The following CAMKMT variants were observed in gnomAD, a reference collection of about 807,000 sequenced individuals.
CAMKMT encodes the protein CaM KMT.
In CAMKMT, 53 loss-of-function variants were observed where a neutral mutation model predicts 48.0. The observed-to-expected ratio is 1.10, with a 90% confidence interval of 0.89 to 1.39. The LOEUF is 1.39. Ranked by LOEUF, CAMKMT falls within the 40% of genes most tolerant of loss-of-function variation. CAMKMT has a pLI of 0.00. For synonymous variants in CAMKMT, 165 were observed against 152.3 expected, an observed-to-expected ratio of 1.08 and a Z score of -0.61; for missense variants, 428 against 402.7, an observed-to-expected ratio of 1.06 and a Z score of -0.54.
chr2:44,766,350 T>C, intron 9 of CAMKMT, 80 bp from the exon 10 acceptor site: 1 of 1,528,830 alleles, frequency 6.5e-7, no homozygotes, highest in Non-Finnish European at 9.0e-7. Flanking sequence ...GAGCAGTACA[T>C]TAAATGCTTT....
intron 3 of CAMKMT, among the ~76,000 whole-genome samples, chr2:44,627,697 CTTTTTTTTTTTTT>C (rs1174344846): frequency 0.25 from 18,985 of 75,100 alleles, 2,025 homozygotes; most frequent in Middle Eastern, 0.38. Context: ...CCATTTTATC[CTTTTTTTTTTTTT>C]TTTTTTTTTT....
At chr2:44,389,327 C>T (rs1023905871) in intron 2 of CAMKMT, among the ~76,000 whole-genome samples, 2 of 152,206 alleles carry the variant, frequency 1.3e-5, no homozygotes, top group Non-Finnish European at 2.9e-5. Flanking sequence ...AGTCACCTTT[C>T]GAGGTACCAG....
rs921565833 is a variant in CAMKMT at position 44,675,978 on chromosome 2, A to G, written c.377-28305A>G. Among the ~76,000 whole-genome samples the G allele has an allele frequency of 5.3e-5, 8 of 152,336 alleles. No homozygotes were observed. The East Asian group carries it at 1.3e-3, about 26-fold the overall frequency. ...CTTAGCATGATGTCCCCCAAGGTTC[A>G]TCCATGTTGTAACATGTGCCAGAAT... On this transcript the variant is annotated intron_variant, in intron 3 of 10. Transcript: ENST00000378494.
At chr2:44,593,982 C>T (rs778955078) in intron 3 of CAMKMT, among the ~76,000 whole-genome samples, 7 of 151,906 alleles carry the variant, frequency 4.6e-5, no homozygotes, top group Non-Finnish European at 5.9e-5. Flanking sequence ...AGGCTGGTCT[C>T]GAACTCCCCA....
At chr2:44,631,573 T>C (rs1040631507) in intron 3 of CAMKMT, 17 of 563,342 alleles carry the variant, frequency 3.0e-5, no homozygotes, top group Non-Finnish European at 4.0e-5. Context: ...CAAAGTGTGA[T>C]TAGTAGCATG....
intron 3 of CAMKMT, among the ~76,000 whole-genome samples, chr2:44,573,587 G>A (rs1332828631): frequency 6.6e-6 from 1 of 151,878 alleles, no homozygotes; most frequent in Non-Finnish European, 1.5e-5. Flanking sequence ...TTTTCATTTT[G>A]TAGTTTCCTT....
chr2:44,428,581 C>T (rs540660002), intron 3 of CAMKMT, among the ~76,000 whole-genome samples: 175 of 152,338 alleles, frequency 1.1e-3, no homozygotes, highest in Admixed American at 2.4e-3. Flanking sequence ...TCAGTATTTC[C>T]CTGCCTCCTG....
intron 3 of CAMKMT, among the ~76,000 whole-genome samples, chr2:44,415,674 A>G (rs1683503072): frequency 6.6e-6 from 1 of 152,190 alleles, no homozygotes. Flanking sequence ...TAGAGAAGGA[A>G]TTATACGTTT....
chr2:44,501,479 T>G (rs1408159294), intron 3 of CAMKMT, among the ~76,000 whole-genome samples: 1 of 152,176 alleles, frequency 6.6e-6, no homozygotes, highest in Non-Finnish European at 1.5e-5. Context: ...GAGCTGTAAT[T>G]TGGAACAGGA....
At chr2:44,431,186 A>T (rs987073848) in intron 3 of CAMKMT, among the ~76,000 whole-genome samples, 1 of 152,164 alleles carries the variant, frequency 6.6e-6, no homozygotes, top group African/African-American at 2.4e-5. Flanking sequence ...TTTCTACCTG[A>T]AGATATTATA....
intron 5 of CAMKMT, 94 bp downstream of exon 5, chr2:44,706,435 C>G: frequency 8.2e-7 from 1 of 1,221,892 alleles, no homozygotes; most frequent in Non-Finnish European, 1.2e-6. Flanking sequence ...GAACCGTCAA[C>G]AGCATCAGCT....
chr2:44,417,479 C>T lies in CAMKMT; in HGVS notation c.376+27174C>T, dbSNP rs528229928. Among the ~76,000 whole-genome samples, 4 of 152,226 alleles carry T rather than the reference C, an allele frequency of 2.6e-5. No homozygotes were observed. The East Asian group carries it at 5.8e-4, about 22-fold the overall frequency. On this transcript the variant is annotated intron_variant, in intron 3 of 10. Coordinates refer to ENST00000378494, the MANE Select transcript of CAMKMT (RefSeq NM_024766.5). ...TATTGATAGACATTCAGGTTGTTTCCGGTTTTGGGCTGTTTTGCATAAAAC... is the reference window on the plus strand; with the variant it reads ...TATTGATAGACATTCAGGTTGTTTCTGGTTTTGGGCTGTTTTGCATAAAAC...
At chr2:44,686,521 A>G (rs777555996) in intron 3 of CAMKMT, among the ~76,000 whole-genome samples, 4 of 152,222 alleles carry the variant, frequency 2.6e-5, no homozygotes, top group Non-Finnish European at 4.4e-5. Context: ...GGAGAAACTG[A>G]GCGAATGCTA....
intron 3 of CAMKMT, among the ~76,000 whole-genome samples, chr2:44,627,024 C>T (rs1044861337): frequency 6.6e-6 from 1 of 152,032 alleles, no homozygotes; most frequent in African/African-American, 2.4e-5. Context: ...GGTGAATGTC[C>T]TTTATGAGAG....
At chr2:44,721,767 C>T (rs980232099) in intron 7 of CAMKMT, among the ~76,000 whole-genome samples, 3 of 150,592 alleles carry the variant, frequency 2.0e-5, no homozygotes, top group East Asian at 3.9e-4. Flanking sequence ...CCCAGGAGTT[C>T]GAAATCAGCC....
At chr2:44,416,054 G>A (rs998220325) in intron 3 of CAMKMT, among the ~76,000 whole-genome samples, 11 of 152,132 alleles carry the variant, frequency 7.2e-5, no homozygotes, top group African/African-American at 2.7e-4. Context: ...AATTGTTTCA[G>A]TTAACTAAAT....
chr2:44,529,538 C>T (rs1169098656), intron 3 of CAMKMT, among the ~76,000 whole-genome samples: 3 of 152,104 alleles, frequency 2.0e-5, no homozygotes, highest in African/African-American at 7.2e-5. Flanking sequence ...TACATGTTCA[C>T]CTTTATACAA....
chr2:44,750,614 CACTATAGTG>C (rs980543972), intron 8 of CAMKMT, among the ~76,000 whole-genome samples: 3 of 152,232 alleles, frequency 2.0e-5, no homozygotes, highest in Non-Finnish European at 4.4e-5. Flanking sequence ...CATACACTAT[CACTATAGTG>C]ACTACCTCTA....
chr2:44,450,578 T>G (rs1667239119), intron 3 of CAMKMT, among the ~76,000 whole-genome samples: 2 of 152,276 alleles, frequency 1.3e-5, no homozygotes, highest in East Asian at 3.9e-4. Flanking sequence ...TAGTTACACT[T>G]TCACCCATAT....
Sources: gnomAD v4.1 joint callset for allele counts (sites outside exome capture counted in the v4.1 genomes callset) on GRCh38, gnomAD v4.1.1 for gene constraint, MANE v1.5 for transcripts, NCBI Gene and HGNC (gene_info 2026-07-23, HGNC 2026-07-21) for gene names.